Variants in LRRTM4 observed in about 807,000 individuals in gnomAD.
LRRTM4 encodes the protein leucine-rich repeat transmembrane neuronal protein 4.
Under a neutral mutation model 47.6 loss-of-function variants are expected in LRRTM4, and 25 were observed. The ratio of observed to expected loss-of-function variants is 0.53; its 90% confidence interval spans 0.38 to 0.73. The LOEUF (loss-of-function observed/expected upper bound fraction) is 0.73. LRRTM4 is among the 30% of genes least tolerant of loss of function. The pLI is 0.00. For missense variants in LRRTM4, 638 were observed against 713.4 expected, an observed-to-expected ratio of 0.89 and a Z score of 1.20; for synonymous variants, 311 against 269.5, an observed-to-expected ratio of 1.15 and a Z score of -1.51.
intron 3 of LRRTM4, among the ~76,000 whole-genome samples, chr2:77,137,743 G>A (rs923866803): frequency 2.6e-5 from 4 of 151,750 alleles, no homozygotes; most frequent in African/African-American, 9.7e-5. Flanking sequence ...TCACACGCAG[G>A]GACACACATA....
intron 3 of LRRTM4, among the ~76,000 whole-genome samples, chr2:77,015,566 C>A (rs1678035763): frequency 1.3e-5 from 2 of 151,960 alleles, no homozygotes; most frequent in African/African-American, 4.8e-5. Context: ...CCTTGTGATC[C>A]ACCCGCCTTG....
intron 3 of LRRTM4, among the ~76,000 whole-genome samples, chr2:77,513,475 G>T (rs1347714433): frequency 6.6e-6 from 1 of 152,086 alleles, no homozygotes; most frequent in African/African-American, 2.4e-5. Flanking sequence ...ACAAAAAATG[G>T]CAATATGTAG....
intron 3 of LRRTM4, among the ~76,000 whole-genome samples, chr2:76,865,723 T>A (rs1244761151): frequency 6.6e-6 from 1 of 152,158 alleles, no homozygotes; most frequent in Non-Finnish European, 1.5e-5. Context: ...GTATACTTAC[T>A]CATAATATAG....
At chr2:76,780,133 T>G (rs1573089366) in intron 3 of LRRTM4, among the ~76,000 whole-genome samples, 1 of 152,228 alleles carries the variant, frequency 6.6e-6, no homozygotes, top group African/African-American at 2.4e-5. Flanking sequence ...AGAGATCCGC[T>G]GTTAGTCTGA....
At chr2:76,782,664 G>GTTAAC (rs1553407596) in intron 3 of LRRTM4, among the ~76,000 whole-genome samples, 2 of 152,038 alleles carry the variant, frequency 1.3e-5, no homozygotes, top group Non-Finnish European at 2.9e-5. Context: ...TTTGATACCT[G>GTTAAC]TTAACTTTTT....
chr2:76,989,043 A>T (rs1166844595), intron 3 of LRRTM4, among the ~76,000 whole-genome samples: 2 of 151,776 alleles, frequency 1.3e-5, no homozygotes, highest in Non-Finnish European at 2.9e-5. Flanking sequence ...TTATCAAATA[A>T]TTTTTCCCAA....
At chr2:76,875,675 G>T (rs890604617) in intron 3 of LRRTM4, among the ~76,000 whole-genome samples, 2 of 152,068 alleles carry the variant, frequency 1.3e-5, no homozygotes, top group Admixed American at 6.6e-5. Context: ...ATATTTTCTA[G>T]AACTATCTTA....
intron 3 of LRRTM4, among the ~76,000 whole-genome samples, chr2:77,411,455 T>TC (rs1674424802): frequency 9.2e-6 from 1 of 108,164 alleles, no homozygotes; most frequent in Non-Finnish European, 1.7e-5. Context: ...TTTCTTCTTT[T>TC]TTTTTTTTTT....
At chr2:77,377,138 C>G (rs1001819027) in intron 3 of LRRTM4, among the ~76,000 whole-genome samples, 1 of 151,788 alleles carries the variant, frequency 6.6e-6, no homozygotes, top group Non-Finnish European at 1.5e-5. Context: ...TGAGATGTCT[C>G]CATGGTTTTG....
intron 3 of LRRTM4, among the ~76,000 whole-genome samples, chr2:76,824,924 C>T (rs950003701): frequency 2.0e-5 from 3 of 151,676 alleles, no homozygotes; most frequent in Admixed American, 6.6e-5. Context: ...CATCTAGTGA[C>T]CATCAAATGA....
chr2:76,772,738 C>T (rs552886781), intron 3 of LRRTM4, among the ~76,000 whole-genome samples: 11 of 152,270 alleles, frequency 7.2e-5, no homozygotes, highest in Non-Finnish European at 2.9e-5. Context: ...TACAATAAGA[C>T]ATTTTGAGAA....
At chr2:77,014,137 G>T (rs1359074951) in intron 3 of LRRTM4, among the ~76,000 whole-genome samples, 1 of 152,008 alleles carries the variant, frequency 6.6e-6, no homozygotes, top group African/African-American at 2.4e-5. Flanking sequence ...CCCCCTACAG[G>T]CTATGGATTA....
At chr2:77,496,652 T>C (rs1678375471) in intron 3 of LRRTM4, among the ~76,000 whole-genome samples, 1 of 151,866 alleles carries the variant, frequency 6.6e-6, no homozygotes, top group South Asian at 2.1e-4. Flanking sequence ...ATTCCTGGTA[T>C]GCAGTTGATT....
intron 3 of LRRTM4, among the ~76,000 whole-genome samples, chr2:76,803,389 A>G (rs531197457): frequency 2.6e-5 from 4 of 152,176 alleles, no homozygotes; most frequent in Non-Finnish European, 5.9e-5. Flanking sequence ...AATTTAAACC[A>G]AAATGAGATA....
In LRRTM4 at chr2:76,748,930, A is replaced by G; in HGVS notation, c.1552-14T>C. On this transcript the variant is annotated splice_polypyrimidine_tract_variant and intron_variant, in intron 3 of 3. Transcript: ENST00000409884. ...GTGGTGTGGCATCTGGATATGAGAA[A>G]TAGAAAGATGGGTGGATTATAAAAT... is the stretch of plus-strand genomic sequence containing the variant. The G allele has an allele frequency of 6.2e-7, 1 of 1,605,738 alleles. No individual in the cohort carries two copies. The highest frequency in any genetic ancestry group is 8.5e-7 in the Non-Finnish European group (1 of 1,172,776).
chr2:76,899,850 T>C (rs1165746370), intron 3 of LRRTM4, among the ~76,000 whole-genome samples: 3 of 152,174 alleles, frequency 2.0e-5, no homozygotes, highest in Admixed American at 6.5e-5. Context: ...CTTTGTTCAT[T>C]ATGGAATCCT....
chr2:77,201,921 C>T (rs1199017448), intron 3 of LRRTM4, among the ~76,000 whole-genome samples: 1 of 152,070 alleles, frequency 6.6e-6, no homozygotes, highest in East Asian at 1.9e-4. Context: ...TCAGATCTGT[C>T]ATATATAATC....
intron 3 of LRRTM4, among the ~76,000 whole-genome samples, chr2:76,782,393 C>A (rs1335550089): frequency 6.6e-6 from 1 of 152,120 alleles, no homozygotes; most frequent in Non-Finnish European, 1.5e-5. Flanking sequence ...TCCAGTATAA[C>A]TAGTGGTGCT....
At chr2:76,807,929 TTTC>T (rs1670590135) in intron 3 of LRRTM4, among the ~76,000 whole-genome samples, 1 of 126,788 alleles carries the variant, frequency 7.9e-6, no homozygotes, top group Admixed American at 8.2e-5. Flanking sequence ...CTTTCTTTCC[TTTC>T]CTTTCTTTCT....
Sources: gnomAD v4.1 joint callset for allele counts (sites outside exome capture counted in the v4.1 genomes callset) on GRCh38, gnomAD v4.1.1 for gene constraint, MANE v1.5 for transcripts, NCBI Gene and HGNC (gene_info 2026-07-23, HGNC 2026-07-21) for gene names.